The following TRPM5 variants were observed in gnomAD, a reference collection of about 807,000 sequenced individuals.
The protein encoded by TRPM5 is transient receptor potential cation channel subfamily M member 5.
Under a neutral mutation model 124.9 loss-of-function variants are expected in TRPM5, and 121 were observed. That is an observed-to-expected ratio of 0.97 (90% CI 0.84 to 1.13). TRPM5 has a LOEUF of 1.13. TRPM5 is among the 50% of genes most tolerant of loss of function. TRPM5 has a pLI of 0.00. For synonymous variants in TRPM5, 781 were observed against 700.5 expected (o/e 1.11, Z -1.81); for missense variants, 1,643 against 1,589.1 (o/e 1.03, Z -0.58).
intron 22 of TRPM5, 94 bp from the exon 28 acceptor site, chr11:2,405,687 C>T: frequency 1.5e-6 from 2 of 1,368,174 alleles, no homozygotes; most frequent in South Asian, 2.6e-5. Flanking sequence ...TGCCAGGGCC[C>T]CCGCTGCCCT....
chr11:2,436,814 C>T, the TRPM5 span, among the ~76,000 whole-genome samples: 1 of 152,242 alleles, frequency 6.6e-6, no homozygotes, highest in African/African-American at 2.4e-5. Context: ...GGAGCTTCCC[C>T]AGAACAGGGA....
At chr11:2,420,832 G>T (rs1322308540) in intron 3 of TRPM5, among the ~76,000 whole-genome samples, 200 bp downstream of exon 8, 3 of 152,192 alleles carry the variant, frequency 2.0e-5, no homozygotes, top group African/African-American at 7.2e-5. Flanking sequence ...ACAGGAGGGG[G>T]TGAGGGCCCG....
chr11:2,412,066 T>C (rs2133511883), intron 16 of TRPM5, 69 bp downstream of exon 21: 2 of 1,358,524 alleles, frequency 1.5e-6, no homozygotes, highest in East Asian at 2.3e-5. Context: ...ACACCCAACC[T>C]GAGTGGCTTC....
At chr11:2,411,965 G>A (rs746388547) in intron 16 of TRPM5, among the ~76,000 whole-genome samples, 170 bp downstream of exon 21, 11 of 152,172 alleles carry the variant, frequency 7.2e-5, no homozygotes, top group Non-Finnish European at 1.2e-4. Flanking sequence ...GCAGTGGCAT[G>A]ATCACGGCTT....
At position 2,412,158 on chromosome 11, in the gene TRPM5, C is replaced by CA; in HGVS notation, c.2450dup (p.Phe818ValfsTer15). 1.2e-6 allele frequency: 2 copies of CA among 1,613,522 alleles called. No individual in the cohort carries two copies. Among genetic ancestry groups the CA allele is most frequent in the South Asian group, 1.1e-5 (1 of 91,086 alleles). ...ACCTGCAGGTGACACCCACGATGAA[C>CA]AGGAAGATGGCCACCATGTCACACT... is the stretch of plus-strand genomic sequence containing the variant. On this transcript the variant is annotated frameshift_variant, in exon 16 of 24. Coordinates refer to ENST00000155858, the Ensembl canonical transcript of TRPM5. LOFTEE classifies it high-confidence loss of function.
chr11:2,428,364 A>G, the TRPM5 span, among the ~76,000 whole-genome samples: 1 of 152,138 alleles, frequency 6.6e-6, no homozygotes. The surrounding 1 kb of genome is among the most constrained non-coding windows in gnomAD (Gnocchi z 4.0). Context: ...TGGCCTCTCT[A>G]GTCTGGCCTG....
At chr11:2,406,870 C>T (rs560541515) in intron 20 of TRPM5, 77 bp from the exon 26 acceptor site, 16 of 1,534,310 alleles carry the variant, frequency 1.0e-5, no homozygotes, top group African/African-American at 5.5e-5. Flanking sequence ...GGTCCCGGGG[C>T]GAGGTGGGCC....
chr11:2,407,993 C>G (rs1850358905), intron 18 of TRPM5, 81 bp from the exon 24 acceptor site: 5 of 1,547,738 alleles, frequency 3.2e-6, no homozygotes, highest in African/African-American at 2.7e-5. Flanking sequence ...AGATAGAGCG[C>G]TGAGTCCTGG....
chr11:2,432,177 C>T, the TRPM5 span, among the ~76,000 whole-genome samples: 1 of 152,246 alleles, frequency 6.6e-6, no homozygotes, highest in Non-Finnish European at 1.5e-5. Context: ...AGGAGGTGCC[C>T]AGGCGCTCAC....
chr11:2,424,662 C>G (rs536782061), upstream of TRPM5, among the ~76,000 whole-genome samples: 4 of 152,336 alleles, frequency 2.6e-5, no homozygotes, highest in African/African-American at 9.6e-5. Context: ...CACCTGGAGC[C>G]CCGAAGCTGG....
upstream of TRPM5, among the ~76,000 whole-genome samples, chr11:2,426,965 C>T (rs1342552388): frequency 6.6e-6 from 1 of 152,232 alleles, no homozygotes; most frequent in East Asian, 1.9e-4. Context: ...TCCCTTCGCC[C>T]TCAGCTTCTG....
At chr11:2,412,313 C>T in intron 15 of TRPM5, 60 bp from the exon 21 acceptor site, 2 of 1,099,558 alleles carry the variant, frequency 1.8e-6, no homozygotes, top group South Asian at 1.4e-5. Context: ...GGGGACAGCC[C>T]TACCTGGACA....
exon 10 of TRPM5, chr11:2,414,977 G>T: frequency 6.2e-7 from 1 of 1,607,574 alleles, no homozygotes; most frequent in East Asian, 2.2e-5. Flanking sequence ...GTCCCGCCAG[G>T]GGTTCTCGCT....
the TRPM5 span, among the ~76,000 whole-genome samples, chr11:2,443,476 G>A: frequency 2.6e-5 from 4 of 152,022 alleles, no homozygotes; most frequent in African/African-American, 7.3e-5. This position sits in a 1 kb window ranked among gnomAD's most constrained non-coding sequence, Gnocchi z 5.0. Context: ...CCCTCTCCTC[G>A]GCCTCCCTTG....
rs752219385 is a variant in TRPM5, at chr11:2,404,995, CTG to C, written c.3438_3439del (p.His1146GlnfsTer153). 3 of 1,612,830 alleles carry C rather than the reference CTG, an allele frequency of 1.9e-6. No homozygotes were observed. The highest frequency in any genetic ancestry group is 2.5e-6 in the Non-Finnish European group (3 of 1,179,938). On this transcript the variant is annotated frameshift_variant, in exon 24 of 24. Coordinates refer to ENST00000155858, the Ensembl canonical transcript of TRPM5. LOFTEE classifies it low-confidence loss of function (END_TRUNC). ...TTGTTCCCAGCCATCTAAACCACCTCTGTGGTCAGCAGCCACCAGCTGGCTTC... is the reference window on the plus strand; with the variant it reads ...TTGTTCCCAGCCATCTAAACCACCTCTGGTCAGCAGCCACCAGCTGGCTTC...
chr11:2,410,190 G>A (rs754792180), intron 18 of TRPM5, among the ~76,000 whole-genome samples: 1 of 152,218 alleles, frequency 6.6e-6, no homozygotes, highest in Non-Finnish European at 1.5e-5. Context: ...AGGGGCTGCG[G>A]GGGCTGAGAA....
At chr11:2,406,904 C>T in intron 20 of TRPM5, 111 bp from the exon 26 acceptor site, 1 of 1,474,754 alleles carries the variant, frequency 6.8e-7, no homozygotes, top group Non-Finnish European at 9.0e-7. Flanking sequence ...GAGTGGGGCC[C>T]AGCCAGGGAT....
chr11:2,405,102 G>T (rs1423330150), intron 23 of TRPM5, 59 bp from the exon 29 acceptor site: 6 of 1,468,984 alleles, frequency 4.1e-6, no homozygotes, highest in Non-Finnish European at 5.7e-6. Context: ...CCCAGGAAGG[G>T]GAGAGGTAGC....
At chr11:2,406,457 GCTCC>G (rs1850325000) in intron 21 of TRPM5, among the ~76,000 whole-genome samples, 200 bp downstream of exon 26, 1 of 152,146 alleles carries the variant, frequency 6.6e-6, no homozygotes, top group Non-Finnish European at 1.5e-5. Context: ...CACTGTGCAC[GCTCC>G]CTTTTTGCCT....
Sources: allele counts gnomAD v4.1 joint callset (sites outside exome capture counted in the v4.1 genomes callset), GRCh38; gene constraint gnomAD v4.1.1; non-coding constraint Gnocchi (gnomAD v3.1); transcripts MANE v1.5; gene names NCBI Gene and HGNC (gene_info 2026-07-23, HGNC 2026-07-21).